Variants in MROH1 observed in about 807,000 individuals in gnomAD.
MROH1 encodes the protein maestro heat like repeat family member 1.
In MROH1, 117 loss-of-function variants were observed where a neutral mutation model predicts 116.5. That is an observed-to-expected ratio of 1.00 (90% confidence interval 0.86 to 1.17). The LOEUF (loss-of-function observed/expected upper bound fraction) is 1.17, where lower values mean the gene tolerates loss of function less well. Ranked by LOEUF, MROH1 falls within the 50% of genes most tolerant of loss-of-function variation. The probability of loss-of-function intolerance (pLI) is 0.00; values close to 1 mark genes in which losing one functional copy is unlikely to be tolerated. For missense variants in MROH1, 1,873 were observed against 1,338.5 expected, an observed-to-expected ratio of 1.40 and a Z score of -6.23; for synonymous variants, 921 against 583.9, an observed-to-expected ratio of 1.58 and a Z score of -8.32.
Position 144,260,981 on chromosome 8 carries a change from C to T in MROH1, c.4611C>T (p.His1537=). 1 of 777,638 alleles carries T rather than the reference C, an allele frequency of 1.3e-6. No homozygotes were observed. The highest frequency in any genetic ancestry group is 2.4e-6 in the Non-Finnish European group (1 of 417,692). 48.2% of individuals were successfully genotyped at this position (777,638 alleles called of 1,614,324 possible). A position where few individuals can be genotyped will look rare whatever the true frequency, so the allele number is the denominator to read the frequency against. Residue 1537 remains histidine, a synonymous_variant, in exon 41 of 44, where the codon CAC becomes CAT. Coordinates refer to ENST00000326134, the MANE Select transcript of MROH1 (RefSeq NM_032450.3). ...CEELSAAFQK[H]LQEGRALHFG... ...AGCTCTCAGCTGCTTTCCAGAAACA[C>T]CTGCAGGAGGGCCGAGCCCTGCACT...
chr8:144,196,314 A>G (rs1292945834), intron 10 of MROH1, among the ~76,000 whole-genome samples: 2 of 151,444 alleles, frequency 1.3e-5, no homozygotes, highest in Non-Finnish European at 2.9e-5. Flanking sequence ...AAATTCAGTA[A>G]TTTTTGTTTT....
intron 32 of MROH1, 96 bp downstream of exon 32, chr8:144,249,125 A>G (rs1311849353): frequency 2.9e-6 from 2 of 693,796 alleles, no homozygotes; most frequent in South Asian, 3.0e-5. Flanking sequence ...GCTCTTGGAG[A>G]GGTGGCACTG....
intron 21 of MROH1, 34 bp downstream of exon 21, chr8:144,241,145 C>G (rs1163167769): frequency 1.4e-6 from 1 of 728,648 alleles, no homozygotes; most frequent in African/African-American, 1.7e-5. Context: ...GCCCCAGACA[C>G]CCCAGGGCTG....
At chr8:144,258,976 A>G in intron 36 of MROH1, 62 bp downstream of exon 36, 1 of 671,784 alleles carries the variant, frequency 1.5e-6, no homozygotes, top group Non-Finnish European at 2.8e-6. Flanking sequence ...TCTCGAGCCC[A>G]GAACATGACA....
Position 144,163,915 on chromosome 8 carries a change from G to A in MROH1, c.22+67G>A. 3 of 1,567,868 alleles carry A rather than the reference G, an allele frequency of 1.9e-6. No individual in the cohort carries two copies. Among genetic ancestry groups the A allele is most frequent in the East Asian group, 4.5e-5 (2 of 44,542 alleles). The stretch of plus-strand genomic sequence containing the variant: ...TCTTGCCTCTGGGTGGTCAGGGCAG[G>A]CCAAGGCTCTTACCAGCTCCAATGG... On this transcript the variant is annotated intron_variant, in intron 3 of 43. Transcript: ENST00000326134. The surrounding 1 kb of genome is among the most constrained non-coding windows in gnomAD (Gnocchi z 4.4).
Position 144,248,881 on chromosome 8 carries a change from T to C in MROH1, c.3125T>C (p.Ile1042Thr). 2.6e-6 allele frequency: 2 copies of C among 779,012 alleles called. No homozygotes were observed. The highest frequency in any genetic ancestry group is 4.8e-6 in the Non-Finnish European group (2 of 417,240). 48.3% of individuals were successfully genotyped at this position (779,012 alleles called of 1,614,324 possible). A position where few individuals can be genotyped will look rare whatever the true frequency, so the allele number is the denominator to read the frequency against. The part of the protein sequence containing the change: ...FHTCHSVGQI[I>T]AKRLPPDQLI... ...CTGGCATCGCCTTCCTCCTAGATTA[T>C]TGCCAAGCGCCTCCCCCCAGACCAG... Residue 1042 changes from isoleucine to threonine, a missense_variant, in exon 32 of 44, where the codon ATT becomes ACT. Ile to Thr is a moderately conservative substitution (Grantham distance 89). Transcript: ENST00000326134.
At chr8:144,191,943 C>G in intron 9 of MROH1, 88 bp downstream of exon 9, 1 of 1,497,510 alleles carries the variant, frequency 6.7e-7, no homozygotes, top group Non-Finnish European at 9.1e-7. Flanking sequence ...GGCTAGGGCT[C>G]AGTGGTGGGT....
At chr8:144,225,522 C>T (rs1837618965) in intron 14 of MROH1, among the ~76,000 whole-genome samples, 1 of 151,728 alleles carries the variant, frequency 6.6e-6, no homozygotes, top group African/African-American at 2.4e-5. Flanking sequence ...TTAACACTGT[C>T]TTTCAGAGAG....
intron 3 of MROH1, among the ~76,000 whole-genome samples, chr8:144,166,953 C>T (rs1207042038): frequency 6.6e-6 from 1 of 152,212 alleles, no homozygotes; most frequent in Non-Finnish European, 1.5e-5. Flanking sequence ...GCCTGTTTGT[C>T]TAACTACTGG....
chr8:144,189,244 C>T (rs1456418785), intron 7 of MROH1, among the ~76,000 whole-genome samples: 1 of 152,176 alleles, frequency 6.6e-6, no homozygotes, highest in African/African-American at 2.4e-5. Flanking sequence ...TGTGCAGCCC[C>T]TCCCCGTGCG....
chr8:144,204,723 C>T (rs1832457145), intron 12 of MROH1, among the ~76,000 whole-genome samples: 1 of 152,166 alleles, frequency 6.6e-6, no homozygotes, highest in South Asian at 2.1e-4. Context: ...ACATATAGTA[C>T]AGCTTATTTA....
At chr8:144,206,210 C>G (rs1234662926) in intron 12 of MROH1, among the ~76,000 whole-genome samples, 1 of 152,084 alleles carries the variant, frequency 6.6e-6, no homozygotes, top group Non-Finnish European at 1.5e-5. Context: ...CCCGGCCCAC[C>G]GTTATGACTT....
At position 144,223,190 on chromosome 8, in the gene MROH1, A is replaced by T; in HGVS notation, c.1298A>T (p.Glu433Val). The T allele has an allele frequency of 6.2e-7, 1 of 1,611,574 alleles. No individual in the cohort carries two copies. The highest frequency in any genetic ancestry group is 1.1e-5 in the South Asian group (1 of 90,646). ...CAGCCTGGAGGTGAGGCGATGATCG[A>T]GTACATCGTGCAGCAGTGCGCGCTG... ...LEQPGGEAMIEYIVQQCALPP... is the reference protein window; with the variant it reads ...LEQPGGEAMIVYIVQQCALPP... The change falls in exon 14 of 44, where the codon GAG becomes GTG. Residue 433 changes from glutamate to valine, a missense_variant. Transcript: ENST00000326134.
At chr8:144,236,506 C>T (rs1272620379) in intron 14 of MROH1, among the ~76,000 whole-genome samples, 3 of 152,020 alleles carry the variant, frequency 2.0e-5, no homozygotes, top group African/African-American at 4.8e-5. Flanking sequence ...TTTGGGAGGC[C>T]GAGGTGGGTG....
intron 1 of MROH1, among the ~76,000 whole-genome samples, chr8:144,158,384 C>T (rs1169723618): frequency 6.6e-6 from 1 of 152,190 alleles, no homozygotes; most frequent in Non-Finnish European, 1.5e-5. Flanking sequence ...CTTGGCCTCC[C>T]AAAGTGCTAG....
intron 3 of MROH1, among the ~76,000 whole-genome samples, chr8:144,165,953 C>T (rs1378882919): frequency 6.6e-6 from 1 of 151,566 alleles, no homozygotes; most frequent in African/African-American, 2.4e-5. Flanking sequence ...GATCTTGCCT[C>T]ATGCAATCTC....
rs796658550 is a variant in MROH1 at position 144,197,098 on chromosome 8, A to AAAC, written c.949-2004_949-2002dup. On this transcript the variant is annotated intron_variant, in intron 10 of 43. Coordinates refer to ENST00000326134, the MANE Select transcript of MROH1 (RefSeq NM_032450.3). ...AAACAGAGCAAGACTCTGTCTCAAA[A>AAAC]AACAACAACAACAACAACAACATCT... Among the ~76,000 whole-genome samples, 109 of 152,148 alleles carry AAAC rather than the reference A, an allele frequency of 7.2e-4. 1 individual carries two copies. Among genetic ancestry groups the AAAC allele is most frequent in the African/African-American group, 1.2e-3 (50 of 41,510 alleles).
chr8:144,223,071 C>A, intron 13 of MROH1, 37 bp from the exon 14 acceptor site: 1 of 1,611,426 alleles, frequency 6.2e-7, no homozygotes. Context: ...GCAGTCTCTG[C>A]GTCCCCTTCC....
rs896447318 is a variant in MROH1 at position 144,254,843 on chromosome 8, G to A, written c.3459G>A (p.Ala1153=). The part of the protein sequence containing the change: ...SHTCMLWRAL[A]VEPRLAAQVL... ...CCTGCATGCTGTGGCGGGCGCTGGC[G>A]GTGGAGCCTCGCCTAGCTGCCCAGG... is the stretch of plus-strand genomic sequence containing the variant. The change falls in exon 34 of 44, where the codon GCG becomes GCA. Residue 1153 remains alanine, a synonymous_variant. Coordinates refer to ENST00000326134, the MANE Select transcript of MROH1 (RefSeq NM_032450.3). 4.7e-4 allele frequency: 364 copies of A among 777,244 alleles called. 3 individuals carry two copies. In the East Asian group the frequency reaches 7.6e-3, roughly 16 times the overall value. 48.1% of individuals were successfully genotyped at this position (777,244 alleles called of 1,614,324 possible).
Sources: gnomAD v4.1 joint callset for allele counts (sites outside exome capture counted in the v4.1 genomes callset) on GRCh38, gnomAD v4.1.1 for gene constraint, Gnocchi (gnomAD v3.1) non-coding constraint, MANE v1.5 for transcripts, NCBI Gene and HGNC (gene_info 2026-07-23, HGNC 2026-07-21) for gene names.